VTI1A: variants seen among roughly 807,000 people sequenced by gnomAD.
The protein encoded by VTI1A is vesicle transport through interaction with t-SNAREs 1A.
A neutral mutation model predicts 34.9 loss-of-function variants in VTI1A; 22 were observed. That is an observed-to-expected ratio of 0.63 (90% CI 0.45 to 0.90). The LOEUF (loss-of-function observed/expected upper bound fraction) is 0.90, where lower values mean the gene tolerates loss of function less well. Among genes scored for constraint, VTI1A ranks in the 40% least tolerant of loss-of-function variants. The pLI is 0.00. For synonymous variants in VTI1A, 87 were observed against 97.3 expected (o/e 0.89, Z 0.62); for missense variants, 268 against 275.6 (o/e 0.97, Z 0.20).
intron 5 of VTI1A, among the ~76,000 whole-genome samples, chr10:112,565,490 A>G (rs1348336030): frequency 6.6e-6 from 1 of 152,158 alleles, no homozygotes; most frequent in Non-Finnish European, 1.5e-5. Flanking sequence ...CATTTTGCAA[A>G]TAGCAGGGAA....
intron 7 of VTI1A, among the ~76,000 whole-genome samples, chr10:112,780,201 T>G (rs965455130): frequency 1.3e-5 from 2 of 149,032 alleles, no homozygotes; most frequent in African/African-American, 2.5e-5. Flanking sequence ...AGCCCAGGAG[T>G]TCAAGGTTGC....
intron 7 of VTI1A, among the ~76,000 whole-genome samples, chr10:112,692,241 C>T (rs894669755): frequency 5.3e-5 from 8 of 152,158 alleles, no homozygotes; most frequent in South Asian, 2.1e-4. Context: ...TAATTACAGA[C>T]GGTATAACAG....
At chr10:112,714,005 T>C (rs989941234) in intron 7 of VTI1A, among the ~76,000 whole-genome samples, 2 of 152,134 alleles carry the variant, frequency 1.3e-5, no homozygotes, top group Admixed American at 1.3e-4. Context: ...ACTCTTCCCC[T>C]CTCAACATTT....
chr10:112,684,159 A>ATTCCAGTTT (rs1279119392), intron 7 of VTI1A, among the ~76,000 whole-genome samples: 5 of 152,130 alleles, frequency 3.3e-5, no homozygotes, highest in Non-Finnish European at 2.9e-5. Flanking sequence ...GGCATATTTT[A>ATTCCAGTTT]TTCCAGTTTT....
At chr10:112,834,051 C>T in the VTI1A span, among the ~76,000 whole-genome samples, 4 of 152,268 alleles carry the variant, frequency 2.6e-5, no homozygotes, top group African/African-American at 9.6e-5. Context: ...CCCTGAACCT[C>T]GTTCCCTTCC....
At chr10:112,486,335 G>T (rs560639584) in intron 3 of VTI1A, among the ~76,000 whole-genome samples, 1 of 152,180 alleles carries the variant, frequency 6.6e-6, no homozygotes, top group East Asian at 1.9e-4. Context: ...TTTTTCATTT[G>T]TAAAATGGAA....
chr10:112,676,021 T>C (rs138801444), intron 7 of VTI1A, among the ~76,000 whole-genome samples: 21 of 152,246 alleles, frequency 1.4e-4, no homozygotes, highest in African/African-American at 4.8e-4. Flanking sequence ...CCAGGAAACA[T>C]TGAGGTATTT....
At chr10:112,526,455 C>T (rs893029117) in intron 3 of VTI1A, among the ~76,000 whole-genome samples, 1 of 152,128 alleles carries the variant, frequency 6.6e-6, no homozygotes, top group Non-Finnish European at 1.5e-5. Flanking sequence ...CATGCACACA[C>T]ACACTTTCAT....
downstream of VTI1A, among the ~76,000 whole-genome samples, chr10:112,819,862 G>C (rs1853620008): frequency 6.6e-6 from 1 of 152,204 alleles, no homozygotes; most frequent in Non-Finnish European, 1.5e-5. Flanking sequence ...CCGGTTCATT[G>C]ACACTTCAGG....
chr10:112,668,072 T>A, intron 5 of VTI1A, 146 bp from the exon 6 acceptor site: 1 of 613,020 alleles, frequency 1.6e-6, no homozygotes, highest in Non-Finnish European at 2.9e-6. Context: ...ACTGTTTATA[T>A]TTTTCAAATA....
rs1270130713 is a variant in VTI1A, at chr10:112,503,518, TA to T, written c.265-23567del. Among the ~76,000 whole-genome samples the T allele has an allele frequency of 3.3e-5, 5 of 152,310 alleles. No homozygotes were observed. In the East Asian group the frequency reaches 9.7e-4, roughly 29 times the overall value. On this transcript the variant is annotated intron_variant, in intron 3 of 7. Transcript: ENST00000393077. Reference sequence around the variant, plus strand: ...AAGAAGACAGAAGATGCTCCTTTGGTAAGTTACTAATTTTGTAATTAGTGAA... The same window carrying T: ...AAGAAGACAGAAGATGCTCCTTTGGTAGTTACTAATTTTGTAATTAGTGAA...
chr10:112,481,362 G>T (rs1352482439), intron 3 of VTI1A, among the ~76,000 whole-genome samples: 1 of 152,154 alleles, frequency 6.6e-6, no homozygotes. Flanking sequence ...TTTCAATTAA[G>T]CTTAACAAGA....
At chr10:112,576,165 C>G (rs981320043) in intron 5 of VTI1A, among the ~76,000 whole-genome samples, 1 of 152,060 alleles carries the variant, frequency 6.6e-6, no homozygotes, top group African/African-American at 2.4e-5. Context: ...GGACTACGGG[C>G]AACAGCCACC....
intron 1 of VTI1A, among the ~76,000 whole-genome samples, chr10:112,455,972 G>A (rs891281823): frequency 1.3e-5 from 2 of 152,074 alleles, no homozygotes; most frequent in African/African-American, 4.8e-5. Context: ...TTCTCTGTGA[G>A]TAATAAGTAT....
chr10:112,559,914 A>G (rs1851666554), intron 5 of VTI1A, among the ~76,000 whole-genome samples: 1 of 152,202 alleles, frequency 6.6e-6, no homozygotes, highest in Non-Finnish European at 1.5e-5. Flanking sequence ...TCTATTCTTT[A>G]TAGTGCTGAC....
chr10:112,743,005 C>G (rs1850747479), intron 7 of VTI1A, among the ~76,000 whole-genome samples: 1 of 142,954 alleles, frequency 7.0e-6, no homozygotes, highest in East Asian at 2.1e-4. Context: ...TTAGCTGGGA[C>G]CTATTCTCGT....
chr10:112,677,549 C>A (rs1169330592), intron 7 of VTI1A: 3 of 152,222 alleles, frequency 2.0e-5, no homozygotes, highest in Non-Finnish European at 4.4e-5. Flanking sequence ...AGGGAAGAAA[C>A]ACGGATGAAA....
chr10:112,837,684 TTCCTGGG>T, the VTI1A span, among the ~76,000 whole-genome samples: 1 of 152,192 alleles, frequency 6.6e-6, no homozygotes, highest in Non-Finnish European at 1.5e-5. Context: ...CCAGGAACAG[TTCCTGGG>T]TCTTGGGAAC....
At chr10:112,848,442 G>T in the VTI1A span, among the ~76,000 whole-genome samples, 1 of 152,180 alleles carries the variant, frequency 6.6e-6, no homozygotes, top group Admixed American at 6.5e-5. Context: ...TGATGACACA[G>T]TCCCTGGCAA....
Sources: gnomAD v4.1 joint callset for allele counts (sites outside exome capture counted in the v4.1 genomes callset) on GRCh38, gnomAD v4.1.1 for gene constraint, MANE v1.5 for transcripts, NCBI Gene and HGNC (gene_info 2026-07-23, HGNC 2026-07-21) for gene names.